Variants in DLGAP1 observed in about 807,000 individuals in gnomAD.
The protein encoded by DLGAP1 is disks large-associated protein 1.
In DLGAP1, 11 loss-of-function variants were observed where a neutral mutation model predicts 90.8. That is an observed-to-expected ratio of 0.12 (90% CI 0.08 to 0.20). DLGAP1 has a LOEUF of 0.20. DLGAP1 is among the 10% of genes least tolerant of loss of function. DLGAP1 has a pLI of 1.00. For synonymous variants in DLGAP1, 558 were observed against 540.7 expected (o/e 1.03, Z -0.44); for missense variants, 1,050 against 1,333.8 (o/e 0.79, Z 3.31).
At chr18:3,505,953 T>G (rs1015144027) in intron 11 of DLGAP1, among the ~76,000 whole-genome samples, 7 of 152,128 alleles carry the variant, frequency 4.6e-5, no homozygotes, top group East Asian at 1.9e-4. Flanking sequence ...TGCAAATTTT[T>G]GGGCCAGGTG....
At chr18:4,316,596 A>G (rs2080533655) in intron 1 of DLGAP1, among the ~76,000 whole-genome samples, 2 of 152,126 alleles carry the variant, frequency 1.3e-5, no homozygotes, top group Admixed American at 1.3e-4. Context: ...AGAAGACAAC[A>G]ATGATGGAGG....
At chr18:4,144,620 T>C (rs2076554267) in intron 2 of DLGAP1, among the ~76,000 whole-genome samples, 2 of 152,214 alleles carry the variant, frequency 1.3e-5, no homozygotes, top group African/African-American at 2.4e-5. Flanking sequence ...TTTGTGCAGA[T>C]AGTCGCTTAA....
rs537712398 is a variant in DLGAP1 at position 3,588,518 on chromosome 18, G to A, written c.1592-6270C>T. Among the ~76,000 whole-genome samples the A allele has an allele frequency of 3.3e-5, 5 of 150,946 alleles. No individual in the cohort carries two copies. In the East Asian group the frequency reaches 9.8e-4, roughly 30 times the overall value. ...ATTATACGGCAGAGTGCGGTGGCTC[G>A]CTCCTGTAATCCCAGCACTTTGGGA... On this transcript the variant is annotated intron_variant, in intron 7 of 12. Coordinates refer to ENST00000315677, the MANE Select transcript of DLGAP1 (RefSeq NM_004746.4).
At chr18:4,425,292 A>C (rs1383946271) in intron 1 of DLGAP1, among the ~76,000 whole-genome samples, 1 of 151,266 alleles carries the variant, frequency 6.6e-6, no homozygotes, top group Admixed American at 6.6e-5. Context: ...ATATTTGGCC[A>C]CTTTGGTCTG....
chr18:4,246,886 G>A (rs1320031767), intron 1 of DLGAP1, among the ~76,000 whole-genome samples: 2 of 143,118 alleles, frequency 1.4e-5, no homozygotes, highest in African/African-American at 5.0e-5. Context: ...AAGAAAAAGC[G>A]AGAGAGAATG....
chr18:3,577,265 G>C (rs1207401646), intron 8 of DLGAP1, among the ~76,000 whole-genome samples: 1 of 152,144 alleles, frequency 6.6e-6, no homozygotes, highest in Non-Finnish European at 1.5e-5. Context: ...GGCTACCCCA[G>C]GCCTTTCTTC....
At chr18:3,659,691 G>A (rs1439521153) in intron 7 of DLGAP1, among the ~76,000 whole-genome samples, 6 of 151,806 alleles carry the variant, frequency 4.0e-5, no homozygotes, top group Non-Finnish European at 8.8e-5. Context: ...TCAGCGTCCC[G>A]AGTAGCTGGG....
chr18:3,944,861 C>T (rs760071269), intron 3 of DLGAP1, among the ~76,000 whole-genome samples: 13 of 152,072 alleles, frequency 8.5e-5, no homozygotes, highest in East Asian at 1.9e-4. Flanking sequence ...GCAAAAAAAA[C>T]GATGAGATTG....
chr18:3,771,561 T>G (rs1327224550), intron 5 of DLGAP1: 1 of 152,166 alleles, frequency 6.6e-6, no homozygotes. Flanking sequence ...GGACGTGCCG[T>G]GTGTACTGCG....
chr18:3,614,734 C>T (rs2057778993), intron 7 of DLGAP1, among the ~76,000 whole-genome samples: 1 of 147,104 alleles, frequency 6.8e-6, no homozygotes, highest in South Asian at 2.2e-4. Flanking sequence ...GCCTGTAATC[C>T]CAGTTTCGGG....
intron 4 of DLGAP1, among the ~76,000 whole-genome samples, chr18:3,858,644 G>A (rs2069829385): frequency 6.6e-6 from 1 of 151,990 alleles, no homozygotes; most frequent in Non-Finnish European, 1.5e-5. Context: ...AATAATTGGT[G>A]TTTTACTATA....
chr18:4,078,474 G>T (rs2075556748), intron 2 of DLGAP1, among the ~76,000 whole-genome samples: 2 of 152,264 alleles, frequency 1.3e-5, no homozygotes, highest in Middle Eastern at 3.4e-3. Context: ...GCTCTCCATG[G>T]TTACTCTTGA....
intron 6 of DLGAP1, among the ~76,000 whole-genome samples, chr18:3,733,852 T>C (rs2062537472): frequency 6.6e-6 from 1 of 152,220 alleles, no homozygotes. Context: ...ACACACATCA[T>C]TTTCTTCCAG....
intron 10 of DLGAP1, among the ~76,000 whole-genome samples, chr18:3,523,791 T>G (rs2051413421): frequency 6.7e-6 from 1 of 148,416 alleles, no homozygotes; most frequent in African/African-American, 2.5e-5. Flanking sequence ...GAGCTTGCAG[T>G]GAGCTGAGAT....
chr18:4,089,289 AAGGAAATAAAAG>A (rs1464794062), intron 2 of DLGAP1, among the ~76,000 whole-genome samples: 1 of 152,248 alleles, frequency 6.6e-6, no homozygotes, highest in Non-Finnish European at 1.5e-5. Context: ...ATCACTCCTC[AAGGAAATAAAAG>A]AGGACAGAAA....
chr18:3,834,901 T>C (rs1216113829), intron 4 of DLGAP1, among the ~76,000 whole-genome samples: 1 of 152,244 alleles, frequency 6.6e-6, no homozygotes, highest in East Asian at 1.9e-4. Flanking sequence ...ACCTTAAAGA[T>C]ACAACTCCAT....
intron 1 of DLGAP1, among the ~76,000 whole-genome samples, chr18:4,348,698 C>A (rs1381668856): frequency 6.6e-6 from 1 of 151,998 alleles, no homozygotes; most frequent in East Asian, 1.9e-4. Flanking sequence ...CTTGTAGTGC[C>A]ACAGTGAGCA....
intron 1 of DLGAP1, among the ~76,000 whole-genome samples, chr18:4,230,316 A>G (rs2078274258): frequency 6.6e-6 from 1 of 152,086 alleles, no homozygotes; most frequent in South Asian, 2.1e-4. Context: ...GTATTATCGA[A>G]GAGATATCTG....
At chr18:4,333,771 C>T (rs1023887251) in intron 1 of DLGAP1, among the ~76,000 whole-genome samples, 2 of 151,130 alleles carry the variant, frequency 1.3e-5, no homozygotes, top group East Asian at 4.0e-4. Flanking sequence ...AGGCGCCCAC[C>T]ACCACGCCCG....
Sources: allele counts gnomAD v4.1 joint callset (sites outside exome capture counted in the v4.1 genomes callset), GRCh38; gene constraint gnomAD v4.1.1; transcripts MANE v1.5; gene names NCBI Gene and HGNC (gene_info 2026-07-23, HGNC 2026-07-21).